The following GALNTL5 variants were observed in gnomAD, a reference collection of about 807,000 sequenced individuals.
GALNTL5 encodes polypeptide N-acetylgalactosaminyltransferase like 5.
Under a neutral mutation model 51.0 loss-of-function variants are expected in GALNTL5, and 44 were observed. The observed-to-expected ratio is 0.86, with a 90% CI of 0.68 to 1.11. The LOEUF (loss-of-function observed/expected upper bound fraction) is 1.11, where lower values mean the gene tolerates loss of function less well. GALNTL5 is among the 50% of genes least tolerant of loss of function. GALNTL5 has a pLI of 0.00. For synonymous variants in GALNTL5, 192 were observed against 182.8 expected, an observed-to-expected ratio of 1.05 and a Z score of -0.41; for missense variants, 528 against 531.8, an observed-to-expected ratio of 0.99 and a Z score of 0.07.
At chr7:152,003,809 G>A (rs1317473100) in intron 6 of GALNTL5, among the ~76,000 whole-genome samples, 3 of 152,126 alleles carry the variant, frequency 2.0e-5, no homozygotes, top group Non-Finnish European at 4.4e-5. Context: ...TATAATTTTT[G>A]TAATATTTCC....
intron 5 of GALNTL5, among the ~76,000 whole-genome samples, chr7:152,001,569 G>C (rs1474089349): frequency 6.6e-6 from 1 of 152,138 alleles, no homozygotes; most frequent in Non-Finnish European, 1.5e-5. Flanking sequence ...ATTGACCATA[G>C]ACACATGGTT....
At chr7:151,976,923 C>T (rs182602618) in intron 3 of GALNTL5, among the ~76,000 whole-genome samples, 13 of 152,268 alleles carry the variant, frequency 8.5e-5, no homozygotes, top group African/African-American at 3.1e-4. Flanking sequence ...CCACCTTGGC[C>T]TCCCAAAGTG....
intron 1 of GALNTL5, 34 bp from the exon 2 acceptor site, chr7:151,967,174 C>T (rs946078562): frequency 7.2e-7 from 1 of 1,386,564 alleles, no homozygotes; most frequent in Non-Finnish European, 1.0e-6. Flanking sequence ...ATTGGAATAT[C>T]TAATGCTGCT....
intron 1 of GALNTL5, 103 bp from the exon 2 acceptor site, chr7:151,967,105 C>T (rs974919119): frequency 1.2e-5 from 8 of 662,428 alleles, no homozygotes; most frequent in South Asian, 4.0e-5. Flanking sequence ...GGGCCATCAA[C>T]GTGATTGTTT....
At chr7:152,004,509 T>C (rs929594454) in intron 6 of GALNTL5, among the ~76,000 whole-genome samples, 1 of 152,172 alleles carries the variant, frequency 6.6e-6, no homozygotes, top group Non-Finnish European at 1.5e-5. Context: ...GTTATATGGC[T>C]ATATTGCCTA....
chr7:151,981,380 T>C (rs1158860114), intron 3 of GALNTL5, among the ~76,000 whole-genome samples: 2 of 152,150 alleles, frequency 1.3e-5, no homozygotes, highest in Non-Finnish European at 2.9e-5. Context: ...GGAGGTAGGT[T>C]GATATCGCTA....
In GALNTL5 at chr7:151,971,055, A is replaced by C. The variant is rs1353047575; in HGVS notation, c.358A>C (p.Arg120=). The change falls in exon 3 of 9, where the codon AGG becomes CGG. Residue 120 remains arginine, a synonymous_variant. Transcript: ENST00000392800. ...LGIEREVPDT[R]SKMCLQKHYP... ...CATCGAAAGAGAAGTGCCAGATACC[A>C]GGAGTAAAATGTATGTTGTCTCTCT... is the stretch of plus-strand genomic sequence containing the variant. 6.2e-7 allele frequency: 1 copy of C among 1,609,478 alleles called. No homozygotes were observed. The highest frequency in any genetic ancestry group is 1.7e-5 in the Admixed American group (1 of 59,942).
chr7:151,957,285 T>A (rs1236725844), intron 1 of GALNTL5, among the ~76,000 whole-genome samples: 5 of 151,756 alleles, frequency 3.3e-5, no homozygotes, highest in African/African-American at 4.8e-5. Context: ...AGCTCATGCC[T>A]GTAATCCCAG....
chr7:152,015,771 C>G (rs1340507741), intron 8 of GALNTL5, among the ~76,000 whole-genome samples: 1 of 152,082 alleles, frequency 6.6e-6, no homozygotes, highest in Non-Finnish European at 1.5e-5. Context: ...GACCAACAGC[C>G]AAAGATTTCT....
intron 3 of GALNTL5, among the ~76,000 whole-genome samples, chr7:151,981,555 T>C (rs1455265666): frequency 1.6e-5 from 1 of 60,732 alleles, no homozygotes; most frequent in African/African-American, 5.6e-5. Context: ...CCTTCCTTCC[T>C]TCCTTCCTTC....
intron 4 of GALNTL5, among the ~76,000 whole-genome samples, chr7:151,984,879 C>T (rs968005003): frequency 3.3e-5 from 5 of 152,174 alleles, no homozygotes; most frequent in African/African-American, 4.8e-5. Context: ...GACCAGGGGA[C>T]GGATACCTCC....
chr7:151,997,317 C>A (rs916505472), intron 5 of GALNTL5, among the ~76,000 whole-genome samples: 48 of 152,220 alleles, frequency 3.2e-4, no homozygotes, highest in Non-Finnish European at 4.1e-4. Context: ...TCTCTAAAAC[C>A]AATAAATAGC....
At chr7:151,966,655 A>G (rs2081064369) in intron 1 of GALNTL5, among the ~76,000 whole-genome samples, 1 of 152,206 alleles carries the variant, frequency 6.6e-6, no homozygotes, top group Non-Finnish European at 1.5e-5. Context: ...TGAGAGCTGC[A>G]ACTTATGAGT....
intron 5 of GALNTL5, among the ~76,000 whole-genome samples, chr7:151,993,753 G>A (rs916273225): frequency 1.3e-5 from 2 of 151,906 alleles, no homozygotes; most frequent in African/African-American, 2.4e-5. Context: ...TCAAATGTTG[G>A]AATTGCAAGC....
chr7:151,966,204 T>C (rs2081057112), intron 1 of GALNTL5, among the ~76,000 whole-genome samples: 1 of 152,244 alleles, frequency 6.6e-6, no homozygotes, highest in East Asian at 1.9e-4. Flanking sequence ...GTAGCCTCAC[T>C]TTATTAGTTC....
chr7:152,016,581 T>C (rs1029632993), intron 8 of GALNTL5, among the ~76,000 whole-genome samples: 1 of 152,156 alleles, frequency 6.6e-6, no homozygotes, highest in African/African-American at 2.4e-5. Context: ...CTCATGCATA[T>C]GCTACAGAAG....
rs758967382 is a variant in GALNTL5 at position 152,019,832 on chromosome 7, G to T, written c.*31G>T. The T allele has an allele frequency of 1.3e-6, 2 of 1,577,544 alleles. No individual in the cohort carries two copies. The highest frequency in any genetic ancestry group is 8.7e-7 in the Non-Finnish European group (1 of 1,154,464). ...AAACAAATCACTTTCATTAATAAAGGGTTAAAAGTCTCCTAGTCATTCAAC... is the reference window on the plus strand; with the variant it reads ...AAACAAATCACTTTCATTAATAAAGTGTTAAAAGTCTCCTAGTCATTCAAC... On this transcript the variant is annotated 3_prime_UTR_variant, in exon 9 of 9. Coordinates refer to ENST00000392800, the MANE Select transcript of GALNTL5 (RefSeq NM_145292.4).
chr7:151,966,682 C>T (rs1320588366), intron 1 of GALNTL5, among the ~76,000 whole-genome samples: 1 of 152,120 alleles, frequency 6.6e-6, no homozygotes, highest in Non-Finnish European at 1.5e-5. Flanking sequence ...AGGATATATC[C>T]CTAAGGATGG....
Position 152,019,881 on chromosome 7 carries a change from T to G in GALNTL5, c.*80T>G, listed in dbSNP as rs1438488698. On this transcript the variant is annotated 3_prime_UTR_variant, in exon 9 of 9. Transcript: ENST00000392800. ...ACATAGTGTCACAAGAGTGTAAGTT[T>G]GGAACATCGTGGAATTACGTGAAAT... The G allele has an allele frequency of 8.5e-7, 1 of 1,175,284 alleles. No individual in the cohort carries two copies. The highest frequency in any genetic ancestry group is 1.2e-6 in the Non-Finnish European group (1 of 837,856). The allele number at this position is 1,175,284 out of a possible 1,614,324, so 72.8% of individuals were successfully genotyped here. A position where few individuals can be genotyped will look rare whatever the true frequency, so the allele number is the denominator to read the frequency against.
Sources: allele counts gnomAD v4.1 joint callset (sites outside exome capture counted in the v4.1 genomes callset), GRCh38; gene constraint gnomAD v4.1.1; transcripts MANE v1.5; gene names NCBI Gene and HGNC (gene_info 2026-07-23, HGNC 2026-07-21).